Variants in PIK3R4 observed in about 807,000 individuals in gnomAD.
PIK3R4 encodes phosphoinositide 3-kinase regulatory subunit 4.
In PIK3R4, 46 loss-of-function variants were observed where a neutral mutation model predicts 136.5. That is an observed-to-expected ratio of 0.34 (90% CI 0.27 to 0.43). The LOEUF (loss-of-function observed/expected upper bound fraction) is 0.43, where lower values mean the gene tolerates loss of function less well. Among genes scored for constraint, PIK3R4 ranks in the 20% least tolerant of loss-of-function variants. PIK3R4 has a pLI of 1.00. For missense variants in PIK3R4, 1,331 were observed against 1,649.5 expected, an observed-to-expected ratio of 0.81 and a Z score of 3.35; for synonymous variants, 557 against 566.7, an observed-to-expected ratio of 0.98 and a Z score of 0.24.
chr3:130,724,841 A>T (rs566563151), intron 6 of PIK3R4, among the ~76,000 whole-genome samples: 24 of 152,190 alleles, frequency 1.6e-4, no homozygotes, highest in African/African-American at 5.5e-4. Context: ...AATTCAAGAG[A>T]TAAAGTCCAA....
chr3:130,715,830 TA>T (rs2066661606), intron 9 of PIK3R4, among the ~76,000 whole-genome samples: 1 of 152,204 alleles, frequency 6.6e-6, no homozygotes, highest in African/African-American at 2.4e-5. Flanking sequence ...TTCATATTTC[TA>T]AAGAGGCATT....
At position 130,715,605 on chromosome 3, in the gene PIK3R4, A is replaced by AT. The variant is rs199507679; in HGVS notation, c.2331+790dup. ...TATCCTTTGCCCACTTTTTGATGGG[A>AT]TTTTTTTTTCTTGTAAATATGTTTA... On this transcript the variant is annotated intron_variant, in intron 9 of 19. Transcript: ENST00000356763. 2.2e-4 allele frequency among the ~76,000 whole-genome samples: 33 copies of AT among 150,292 alleles called. No individual in the cohort carries two copies. In the South Asian group the frequency reaches 4.4e-3, roughly 20 times the overall value.
intron 7 of PIK3R4, among the ~76,000 whole-genome samples, chr3:130,719,715 T>G (rs1169868726): frequency 6.6e-6 from 1 of 152,194 alleles, no homozygotes; most frequent in Non-Finnish European, 1.5e-5. Flanking sequence ...ACCCCAATTC[T>G]TAACTTCCCT....
intron 16 of PIK3R4, 120 bp from the exon 17 acceptor site, chr3:130,681,711 G>A (rs1034761365): frequency 4.1e-5 from 25 of 614,882 alleles, no homozygotes. Context: ...TTCAGGGGGA[G>A]AGACAATATA....
intron 4 of PIK3R4, among the ~76,000 whole-genome samples, chr3:130,731,360 G>A (rs1442831711): frequency 6.6e-6 from 1 of 151,370 alleles, no homozygotes; most frequent in Non-Finnish European, 1.5e-5. Flanking sequence ...TATGGCAGTT[G>A]AGATCTTTGA....
chr3:130,698,551 T>C (rs768661603), intron 13 of PIK3R4, among the ~76,000 whole-genome samples: 21 of 152,208 alleles, frequency 1.4e-4, no homozygotes, highest in Non-Finnish European at 2.4e-4. Flanking sequence ...GATTTCTATC[T>C]CTTTATTGAT....
intron 12 of PIK3R4, among the ~76,000 whole-genome samples, chr3:130,705,218 C>T (rs1406705390): frequency 2.6e-5 from 4 of 152,040 alleles, no homozygotes; most frequent in African/African-American, 4.8e-5. Flanking sequence ...TTAAACCTTC[C>T]AGAAATTAAA....
intron 19 of PIK3R4, 64 bp downstream of exon 19, chr3:130,680,549 A>G (rs2066451570): frequency 1.1e-5 from 9 of 818,042 alleles, no homozygotes; most frequent in South Asian, 8.6e-5. Flanking sequence ...ATTTTAATCA[A>G]TTCTGTTTAC....
chr3:130,711,368 G>A (rs187240103), intron 9 of PIK3R4, among the ~76,000 whole-genome samples: 2 of 152,224 alleles, frequency 1.3e-5, no homozygotes, highest in Admixed American at 1.3e-4. Flanking sequence ...TATGGCAGAA[G>A]GAACATAGAG....
chr3:130,695,389 C>A (rs976211773), intron 13 of PIK3R4, among the ~76,000 whole-genome samples: 1 of 152,102 alleles, frequency 6.6e-6, no homozygotes, highest in African/African-American at 2.4e-5. Context: ...GTTTCAGTTA[C>A]CTGTGGTCAA....
At chr3:130,717,476 A>T (rs1336997487) in intron 8 of PIK3R4, among the ~76,000 whole-genome samples, 1 of 152,036 alleles carries the variant, frequency 6.6e-6, no homozygotes, top group African/African-American at 2.4e-5. Flanking sequence ...CTAAAAAGGC[A>T]TTTTTTTCTG....
intron 5 of PIK3R4, among the ~76,000 whole-genome samples, chr3:130,729,009 G>A (rs1308318781): frequency 6.6e-6 from 1 of 152,172 alleles, no homozygotes; most frequent in Non-Finnish European, 1.5e-5. Context: ...GCCCCAGTAA[G>A]ATCCCAGTTA....
chr3:130,708,319 T>C lies in PIK3R4; in HGVS notation c.2505A>G (p.Lys835=). The C allele has an allele frequency of 1.1e-5, 17 of 1,613,730 alleles. No homozygotes were observed. The highest frequency in any genetic ancestry group is 1.4e-5 in the Non-Finnish European group (17 of 1,179,698). The change falls in exon 10 of 20, where the codon AAA becomes AAG. Residue 835 remains lysine, a synonymous_variant. Transcript: ENST00000356763. ...GITGRQVDLV[K]TKQEPDDKRA... ...GTTTGTCATCTGGTTCTTGTTTGGT[T>C]TTAACAAGATCAACTTGTCTCCCAG... is the stretch of plus-strand genomic sequence containing the variant.
At chr3:130,704,374 A>G (rs1401099062) in intron 12 of PIK3R4, among the ~76,000 whole-genome samples, 2 of 152,214 alleles carry the variant, frequency 1.3e-5, no homozygotes, top group African/African-American at 4.8e-5. Flanking sequence ...CCGTTTGAAC[A>G]TTAAACAATT....
chr3:130,682,001 C>G (rs754435537), intron 16 of PIK3R4, among the ~76,000 whole-genome samples: 1 of 152,158 alleles, frequency 6.6e-6, no homozygotes, highest in Non-Finnish European at 1.5e-5. Context: ...TTTCCATTTG[C>G]TGCTCTAAAT....
chr3:130,704,610 A>T (rs2066596595), intron 12 of PIK3R4, among the ~76,000 whole-genome samples: 1 of 152,142 alleles, frequency 6.6e-6, no homozygotes, highest in African/African-American at 2.4e-5. Flanking sequence ...AAACTCAAAA[A>T]ATATTTTTAA....
rs559571946 is a variant in PIK3R4 at position 130,743,507 on chromosome 3, C to T, written c.733+979G>A. 2.0e-5 allele frequency among the ~76,000 whole-genome samples: 3 copies of T among 152,216 alleles called. No homozygotes were observed. The South Asian group carries it at 6.2e-4, about 32-fold the overall frequency. On this transcript the variant is annotated intron_variant, in intron 2 of 19. Transcript: ENST00000356763. ...TACTTGGCAGAAATCTCAAACTTAC[C>T]ATATCTTAAACAGACCTCATCATCT...
intron 9 of PIK3R4, among the ~76,000 whole-genome samples, chr3:130,709,208 T>C (rs535713787): frequency 1.9e-4 from 29 of 152,330 alleles, no homozygotes; most frequent in African/African-American, 6.5e-4. Context: ...ATAGTGCACT[T>C]GAAACGGACA....
In PIK3R4 at chr3:130,690,634, C is replaced by G; in HGVS notation, c.3119G>C (p.Arg1040Pro). Residue 1040 changes from arginine to proline, a missense_variant, in exon 14 of 20, where the codon CGA (arginine) becomes CCA (proline). Arg to Pro is a moderately radical substitution (Grantham distance 103). Transcript: ENST00000356763. ...GAGCGTCTTGACTCGTCCTCCAATT[C>G]GGCTGTATGTAAGAATAGATCTGAA... ...TTTRSILTYS[R>P]IGGRVKTLTF... 2 of 1,607,064 alleles carry G rather than the reference C, an allele frequency of 1.2e-6. No individual in the cohort carries two copies. The highest frequency in any genetic ancestry group is 1.7e-6 in the Non-Finnish European group (2 of 1,174,742).
Sources: gnomAD v4.1 joint callset for allele counts (sites outside exome capture counted in the v4.1 genomes callset) on GRCh38, gnomAD v4.1.1 for gene constraint, MANE v1.5 for transcripts, NCBI Gene and HGNC (gene_info 2026-07-23, HGNC 2026-07-21) for gene names.